Variants in KIRREL3 observed in about 807,000 individuals in gnomAD.
The protein encoded by KIRREL3 is kin of IRRE-like protein 3.
In KIRREL3, 36 loss-of-function variants were observed where a neutral mutation model predicts 89.7. That is an observed-to-expected ratio of 0.40 (90% CI 0.31 to 0.53). KIRREL3 has a LOEUF of 0.53. Ranked by LOEUF, KIRREL3 falls within the 20% of genes least tolerant of loss-of-function variation. The probability of loss-of-function intolerance (pLI) is 0.49; values close to 1 mark genes in which losing one functional copy is unlikely to be tolerated. For missense variants in KIRREL3, 864 were observed against 1,056.6 expected (o/e 0.82, Z 2.53); for synonymous variants, 445 against 441.4 (o/e 1.01, Z -0.10).
At position 126,985,506 on chromosome 11, in the gene KIRREL3, G is replaced by A. The variant is rs1000156745; in HGVS notation, c.55+14949C>T. Among the ~76,000 whole-genome samples the A allele has an allele frequency of 6.6e-6, 1 of 152,128 alleles. No individual in the cohort carries two copies. The highest frequency in any genetic ancestry group is 1.5e-5 in the Non-Finnish European group (1 of 68,036). On this transcript the variant is annotated intron_variant, in intron 1 of 16. Coordinates refer to ENST00000525144, the MANE Select transcript of KIRREL3 (RefSeq NM_032531.4). The surrounding 1 kb of genome is among the most constrained non-coding windows in gnomAD (Gnocchi z 5.3). ...ATTTAAATTAGATTGTGGGGAGAGA[G>A]GTCAAGGAAACTTCCACCAGGAGGC...
At chr11:126,923,186 TCTC>T (rs1395183922) in intron 1 of KIRREL3, among the ~76,000 whole-genome samples, 978 of 24,666 alleles carry the variant, frequency 0.04, 264 homozygotes, top group East Asian at 0.082. Flanking sequence ...CTCTTCTTCT[TCTC>T]TTCTTCTTCT....
At position 126,594,891 on chromosome 11, in the gene KIRREL3, G is replaced by C. The variant is rs1283151577; in HGVS notation, c.56-31979C>G. On this transcript the variant is annotated intron_variant, in intron 1 of 16. Transcript: ENST00000525144. The surrounding 1 kb of genome is among the most constrained non-coding windows in gnomAD (Gnocchi z 5.0). ...ACGTGCTTCTCAGCGTTTTGCCCCA[G>C]TTGGCCTTCCGCCCCTGGGAGGGGG... 6.6e-6 allele frequency among the ~76,000 whole-genome samples: 1 copy of C among 152,254 alleles called. No homozygotes were observed. The highest frequency in any genetic ancestry group is 1.5e-5 in the Non-Finnish European group (1 of 68,048).
At position 126,606,623 on chromosome 11, in the gene KIRREL3, G is replaced by A. The variant is rs529773870; in HGVS notation, c.56-43711C>T. Reference sequence around the variant, plus strand: ...GGGTTGATACCAGGCCGAGACCCTCGACATTCCAGGGAGGGAACCGGAGGA... The same window carrying A: ...GGGTTGATACCAGGCCGAGACCCTCAACATTCCAGGGAGGGAACCGGAGGA... On this transcript the variant is annotated intron_variant, in intron 1 of 16. Transcript: ENST00000525144. The surrounding 1 kb of genome is among the most constrained non-coding windows in gnomAD (Gnocchi z 4.6). Among the ~76,000 whole-genome samples, 9 of 152,134 alleles carry A rather than the reference G, an allele frequency of 5.9e-5. No homozygotes were observed. The highest frequency in any genetic ancestry group is 1.3e-4 in the Non-Finnish European group (9 of 67,982).
chr11:126,461,980 T>A (rs1956561861), intron 6 of KIRREL3, among the ~76,000 whole-genome samples: 2 of 152,176 alleles, frequency 1.3e-5, no homozygotes, highest in Admixed American at 1.3e-4. Flanking sequence ...GGAGGGGATC[T>A]CAGAGGAGAG....
Position 126,610,890 on chromosome 11 carries a change from G to A in KIRREL3, c.56-47978C>T, listed in dbSNP as rs1304114641. ...AAGTCTAAGGTGGAATTTAGACCAAGATATTCTTGGCCTTAGCAGTTTGAC... is the reference window on the plus strand; with the variant it reads ...AAGTCTAAGGTGGAATTTAGACCAAAATATTCTTGGCCTTAGCAGTTTGAC... On this transcript the variant is annotated intron_variant, in intron 1 of 16. Coordinates refer to ENST00000525144, the MANE Select transcript of KIRREL3 (RefSeq NM_032531.4). This position sits in a 1 kb window ranked among gnomAD's most constrained non-coding sequence, Gnocchi z 4.6. 1.3e-5 allele frequency: 2 copies of A among 152,196 alleles called. No individual in the cohort carries two copies. Among genetic ancestry groups the A allele is most frequent in the Non-Finnish European group, 2.9e-5 (2 of 68,044 alleles). The allele number at this position is 152,196 out of a possible 1,614,324, so 9.4% of individuals were successfully genotyped here.
rs1283614069 is a variant in KIRREL3, at chr11:126,742,256, G to A, written c.56-179344C>T. The stretch of plus-strand genomic sequence containing the variant: ...CAAAAACATATGGATGGCATTTCTT[G>A]AGGATTTCCCAGAGAGTCTTGCTGT... On this transcript the variant is annotated intron_variant, in intron 1 of 16. Transcript: ENST00000525144. The surrounding 1 kb of genome is among the most constrained non-coding windows in gnomAD (Gnocchi z 5.3). Among the ~76,000 whole-genome samples, 1 of 152,218 alleles carries A rather than the reference G, an allele frequency of 6.6e-6. No individual in the cohort carries two copies. The highest frequency in any genetic ancestry group is 1.9e-4 in the East Asian group (1 of 5,194).
chr11:126,997,548 AG>A lies in KIRREL3; in HGVS notation c.55+2906del, dbSNP rs35976251. Among the ~76,000 whole-genome samples, 18,930 of 152,230 alleles carry A rather than the reference AG, an allele frequency of 0.12. 2,049 individuals are homozygous for A. The highest frequency in any genetic ancestry group is 0.54 in the East Asian group (2,775 of 5,166). ...CTACATGAAAAGCCCAAACTTTCAA[AG>A]AATAGGGACCCACCATATTACTGAT... On this transcript the variant is annotated intron_variant, in intron 1 of 16. Coordinates refer to ENST00000525144, the MANE Select transcript of KIRREL3 (RefSeq NM_032531.4). The surrounding 1 kb of genome is among the most constrained non-coding windows in gnomAD (Gnocchi z 4.3).
At chr11:126,630,790 C>T (rs182929347) in intron 1 of KIRREL3, among the ~76,000 whole-genome samples, 3 of 152,242 alleles carry the variant, frequency 2.0e-5, no homozygotes, top group East Asian at 1.9e-4. Flanking sequence ...TTGGTGTTCT[C>T]GACCCCACAG....
intron 4 of KIRREL3, among the ~76,000 whole-genome samples, chr11:126,505,235 G>A (rs1349131754): frequency 6.6e-6 from 1 of 152,200 alleles, no homozygotes; most frequent in Non-Finnish European, 1.5e-5. Flanking sequence ...GCTCCTGTAT[G>A]CAGAAAATCT....
At chr11:126,902,025 G>A (rs1254531553) in intron 1 of KIRREL3, among the ~76,000 whole-genome samples, 1 of 152,202 alleles carries the variant, frequency 6.6e-6, no homozygotes, top group Non-Finnish European at 1.5e-5. Context: ...TTATGCAGGA[G>A]AATGACTAAC....
At position 126,977,573 on chromosome 11, in the gene KIRREL3, G is replaced by A. The variant is rs1438364026; in HGVS notation, c.55+22882C>T. Among the ~76,000 whole-genome samples the A allele has an allele frequency of 6.6e-6, 1 of 152,114 alleles. No homozygotes were observed. The highest frequency in any genetic ancestry group is 1.5e-5 in the Non-Finnish European group (1 of 68,036). On this transcript the variant is annotated intron_variant, in intron 1 of 16. Coordinates refer to ENST00000525144, the MANE Select transcript of KIRREL3 (RefSeq NM_032531.4). The surrounding 1 kb of genome is among the most constrained non-coding windows in gnomAD (Gnocchi z 4.7). ...TGTATTCTTTCAACAAGCATTTATT[G>A]AATGCCTACTATGCACCTGTCTATT...
Position 126,837,789 on chromosome 11 carries a change from G to T in KIRREL3, c.55+162666C>A, listed in dbSNP as rs1260322125. ...CACTACCTCTCACAATGGAAGCTTT[G>T]TTTATTTCACATGGGACAGCAACTT... On this transcript the variant is annotated intron_variant, in intron 1 of 16. Transcript: ENST00000525144. The surrounding 1 kb of genome is among the most constrained non-coding windows in gnomAD (Gnocchi z 4.7). Among the ~76,000 whole-genome samples the T allele has an allele frequency of 6.6e-6, 1 of 152,148 alleles. No homozygotes were observed. The highest frequency in any genetic ancestry group is 1.5e-5 in the Non-Finnish European group (1 of 68,028).
At chr11:126,464,186 A>T (rs576403847) in intron 5 of KIRREL3, among the ~76,000 whole-genome samples, 86 of 152,178 alleles carry the variant, frequency 5.7e-4, no homozygotes, top group African/African-American at 2.0e-3. Context: ...GTGAGCCTTA[A>T]ACCCAATGAC....
Position 126,565,934 on chromosome 11 carries a change from ATCTC to A in KIRREL3, c.56-3026_56-3023del, listed in dbSNP as rs113687201. ...ATAGAACATGACAGAAAGAACAGGA[ATCTC>A]TCTCTTTGTGAGGTAGATCAGCCAC... On this transcript the variant is annotated intron_variant, in intron 1 of 16. Transcript: ENST00000525144. The surrounding 1 kb of genome is among the most constrained non-coding windows in gnomAD (Gnocchi z 5.4). 3.9e-5 allele frequency among the ~76,000 whole-genome samples: 6 copies of A among 152,134 alleles called. No individual in the cohort carries two copies. Among genetic ancestry groups the A allele is most frequent in the Admixed American group, 1.3e-4 (2 of 15,292 alleles).
rs984733045 is a variant in KIRREL3 at position 126,594,698 on chromosome 11, C to T, written c.56-31786G>A. On this transcript the variant is annotated intron_variant, in intron 1 of 16. Transcript: ENST00000525144. This position sits in a 1 kb window ranked among gnomAD's most constrained non-coding sequence, Gnocchi z 5.0. ...CAGCTCTTAAATTCTCTAACCCATG[C>T]TCCTGGCCAACTCTCCTCTGTCCAG... Among the ~76,000 whole-genome samples, 1 of 151,970 alleles carries T rather than the reference C, an allele frequency of 6.6e-6. No homozygotes were observed. The highest frequency in any genetic ancestry group is 2.4e-5 in the African/African-American group (1 of 41,238).
In KIRREL3 at chr11:126,684,845, C is replaced by A. The variant is rs561044706; in HGVS notation, c.56-121933G>T. Reference sequence around the variant, plus strand: ...GGGGAGAGGTAGTGTTGGCTTGGACCACAGCGGGAGGGACCTGGGAAGAGG... The same window carrying A: ...GGGGAGAGGTAGTGTTGGCTTGGACAACAGCGGGAGGGACCTGGGAAGAGG... On this transcript the variant is annotated intron_variant, in intron 1 of 16. Coordinates refer to ENST00000525144, the MANE Select transcript of KIRREL3 (RefSeq NM_032531.4). The surrounding 1 kb of genome is among the most constrained non-coding windows in gnomAD (Gnocchi z 4.2). Among the ~76,000 whole-genome samples, 1 of 152,182 alleles carries A rather than the reference C, an allele frequency of 6.6e-6. No homozygotes were observed. Among genetic ancestry groups the A allele is most frequent in the South Asian group, 2.1e-4 (1 of 4,802 alleles).
chr11:126,591,404 G>A (rs1429668186), intron 1 of KIRREL3, among the ~76,000 whole-genome samples: 3 of 152,214 alleles, frequency 2.0e-5, no homozygotes, highest in Non-Finnish European at 4.4e-5. Flanking sequence ...GTTCTGGTGG[G>A]AGGTTTGTGC....
At chr11:126,721,075 A>G (rs1045290799) in intron 1 of KIRREL3, among the ~76,000 whole-genome samples, 1 of 152,246 alleles carries the variant, frequency 6.6e-6, no homozygotes, top group African/African-American at 2.4e-5. Flanking sequence ...CTGAGAGCCA[A>G]AGTGTTTTCT....
chr11:126,843,521 C>T lies in KIRREL3; in HGVS notation c.55+156934G>A, dbSNP rs535039141. ...CCACAGAGACTTCCAGCCTAGTCAG[C>T]TATGCAATCAAACCAAAGCATGCCT... On this transcript the variant is annotated intron_variant, in intron 1 of 16. Coordinates refer to ENST00000525144, the MANE Select transcript of KIRREL3 (RefSeq NM_032531.4). The surrounding 1 kb of genome is among the most constrained non-coding windows in gnomAD (Gnocchi z 4.6). Among the ~76,000 whole-genome samples, 254 of 152,262 alleles carry T rather than the reference C, an allele frequency of 1.7e-3. 4 individuals are homozygous for T. Among genetic ancestry groups the T allele is most frequent in the South Asian group, 4.4e-3 (21 of 4,806 alleles).
Sources: gnomAD v4.1 joint callset for allele counts (sites outside exome capture counted in the v4.1 genomes callset) on GRCh38, gnomAD v4.1.1 for gene constraint, Gnocchi (gnomAD v3.1) non-coding constraint, MANE v1.5 for transcripts, NCBI Gene and HGNC (gene_info 2026-07-23, HGNC 2026-07-21) for gene names.